The following IRF2 variants were observed in gnomAD, a reference collection of about 807,000 sequenced individuals.
The protein encoded by IRF2 is interferon regulatory factor 2.
A neutral mutation model predicts 40.6 loss-of-function variants in IRF2; 15 were observed. That is an observed-to-expected ratio of 0.37 (90% CI 0.25 to 0.57). The LOEUF (loss-of-function observed/expected upper bound fraction) is 0.57, where lower values mean the gene tolerates loss of function less well. IRF2 is among the 20% of genes least tolerant of loss of function. IRF2 has a pLI of 0.77. For synonymous variants in IRF2, 151 were observed against 165.5 expected (o/e 0.91, Z 0.67); for missense variants, 317 against 455.7 (o/e 0.70, Z 2.77).
chr4:184,466,114 G>A (rs530509538), intron 1 of IRF2, among the ~76,000 whole-genome samples: 44 of 150,344 alleles, frequency 2.9e-4, no homozygotes, highest in South Asian at 8.4e-4. Context: ...AAGCTGGTGC[G>A]ATCTCGGCTC....
intron 2 of IRF2, among the ~76,000 whole-genome samples, chr4:184,421,107 G>A (rs1737466370): frequency 6.6e-6 from 1 of 152,178 alleles, no homozygotes; most frequent in South Asian, 2.1e-4. Flanking sequence ...AGGAAGGAGA[G>A]GAAATGTCAG....
chr4:184,459,275 T>A (rs529792451), intron 1 of IRF2, among the ~76,000 whole-genome samples: 1 of 152,060 alleles, frequency 6.6e-6, no homozygotes, highest in African/African-American at 2.4e-5. Flanking sequence ...GGATTCAAAA[T>A]ACAACAGAAA....
At position 184,388,651 on chromosome 4, in the gene IRF2, T is replaced by C. The variant is rs898341542; in HGVS notation, c.*107A>G. The C allele has an allele frequency of 6.4e-5, 75 of 1,167,756 alleles. 3 individuals are homozygous for C. The highest frequency in any genetic ancestry group is 6.8e-5 in the Non-Finnish European group (56 of 818,268). 72.3% of individuals were successfully genotyped at this position (1,167,756 alleles called of 1,614,324 possible). Reference sequence around the variant, plus strand: ...TCAATGTTCTATTGTCAAGGCTTTTTCCCTTAGATTTGTCTAAAATAGGTG... The same window carrying C: ...TCAATGTTCTATTGTCAAGGCTTTTCCCCTTAGATTTGTCTAAAATAGGTG... On this transcript the variant is annotated 3_prime_UTR_variant, in exon 9 of 9. Transcript: ENST00000393593. The surrounding 1 kb of genome is among the most constrained non-coding windows in gnomAD (Gnocchi z 4.6).
intron 6 of IRF2, among the ~76,000 whole-genome samples, chr4:184,407,737 C>T (rs1265523354): frequency 6.6e-6 from 1 of 152,118 alleles, no homozygotes; most frequent in Non-Finnish European, 1.5e-5. Flanking sequence ...CAGAGTGGGC[C>T]CTTTGGCAAC....
chr4:184,421,193 G>A (rs1312339162), intron 2 of IRF2, among the ~76,000 whole-genome samples: 2 of 152,178 alleles, frequency 1.3e-5, no homozygotes, highest in Admixed American at 1.3e-4. Flanking sequence ...GAGATTCAGC[G>A]CCTCTCCACA....
At chr4:184,460,868 A>T (rs1424179739) in intron 1 of IRF2, among the ~76,000 whole-genome samples, 1 of 152,272 alleles carries the variant, frequency 6.6e-6, no homozygotes, top group African/African-American at 2.4e-5. Flanking sequence ...AATCCCTTTT[A>T]GATCGACGTG....
At chr4:184,434,773 T>C (rs1205216218) in intron 1 of IRF2, among the ~76,000 whole-genome samples, 1 of 152,256 alleles carries the variant, frequency 6.6e-6, no homozygotes, top group Non-Finnish European at 1.5e-5. Context: ...CTATCCATGA[T>C]TAGTGCTATT....
Position 184,469,164 on chromosome 4 carries a change from A to G in IRF2, c.-7+5215T>C, listed in dbSNP as rs746507675. On this transcript the variant is annotated intron_variant, in intron 1 of 8. Transcript: ENST00000393593. ...ATTGCATGGGGTCCCTGGATCCCCA[A>G]GCAGACCAAGTTATTGATGGAGGGT... is the stretch of plus-strand genomic sequence containing the variant. Among the ~76,000 whole-genome samples the G allele has an allele frequency of 6.6e-5, 10 of 152,352 alleles. No individual in the cohort carries two copies. In the South Asian group the frequency reaches 1.0e-3, roughly 16 times the overall value.
chr4:184,451,413 A>G (rs1241569864), intron 1 of IRF2, among the ~76,000 whole-genome samples: 1 of 152,226 alleles, frequency 6.6e-6, no homozygotes. Context: ...CTGGGCACCC[A>G]TGATGCACTC....
rs770458818 is a variant in IRF2, at chr4:184,414,000, A to G, written c.411+4167T>C. 2.0e-5 allele frequency among the ~76,000 whole-genome samples: 3 copies of G among 152,230 alleles called. No individual in the cohort carries two copies. The highest frequency in any genetic ancestry group is 4.4e-5 in the Non-Finnish European group (3 of 68,042). On this transcript the variant is annotated intron_variant, in intron 5 of 8. Coordinates refer to ENST00000393593, the MANE Select transcript of IRF2 (RefSeq NM_002199.4). The surrounding 1 kb of genome is among the most constrained non-coding windows in gnomAD (Gnocchi z 4.2). ...CCCCTCAAGGCCTGGCTTAGGCCCC[A>G]AAGGCTACGAGGCACCCGGTGGACA...
chr4:184,403,787 AAT>A (rs1736754586), intron 6 of IRF2, among the ~76,000 whole-genome samples: 1 of 152,226 alleles, frequency 6.6e-6, no homozygotes, highest in Non-Finnish European at 1.5e-5. Context: ...GCTCAGAACT[AAT>A]AGTGACATTT....
In IRF2 at chr4:184,448,935, G is replaced by C; in HGVS notation, c.-6-19865C>G. 6.6e-6 allele frequency: 1 copy of C among 152,250 alleles called. No homozygotes were observed. The highest frequency in any genetic ancestry group is 1.5e-5 in the Non-Finnish European group (1 of 68,074). The allele number at this position is 152,250 out of a possible 1,614,324, so 9.4% of individuals were successfully genotyped here. A position where few individuals can be genotyped will look rare whatever the true frequency, so the allele number is the denominator to read the frequency against. The stretch of plus-strand genomic sequence containing the variant: ...ACGTTTCCTCGACGTGTGCAAGACG[G>C]AAGCCTGAACAACTGTCAGTTCCAC... On this transcript the variant is annotated intron_variant, in intron 1 of 8. Transcript: ENST00000393593. This position sits in a 1 kb window ranked among gnomAD's most constrained non-coding sequence, Gnocchi z 4.3.
intron 1 of IRF2, among the ~76,000 whole-genome samples, chr4:184,449,551 C>T (rs530884514): frequency 1.6e-4 from 25 of 152,272 alleles, no homozygotes; most frequent in African/African-American, 4.8e-4. Context: ...CACAGTGATA[C>T]GCAATGACGG....
rs1376659973 is a variant in IRF2, at chr4:184,473,652, T to TCCCGCCCC, written c.-7+719_-7+726dup. On this transcript the variant is annotated intron_variant, in intron 1 of 8. Coordinates refer to ENST00000393593, the MANE Select transcript of IRF2 (RefSeq NM_002199.4). ...GCCCGGCCCGGCTCCGAGCCCGCCC[T>TCCCGCCCC]CCCGCCCCGGCCGCTGGCACCCGAC... Among the ~76,000 whole-genome samples, 16 of 129,416 alleles carry TCCCGCCCC rather than the reference T, an allele frequency of 1.2e-4. No homozygotes were observed. In the South Asian group the frequency reaches 1.6e-3, roughly 13 times the overall value. The allele number at this position is 129,416 out of a possible 152,430, so 84.9% of individuals were successfully genotyped here.
At chr4:184,440,978 C>T (rs1373165387) in intron 1 of IRF2, among the ~76,000 whole-genome samples, 2 of 152,212 alleles carry the variant, frequency 1.3e-5, no homozygotes, top group Non-Finnish European at 2.9e-5. Flanking sequence ...AAAGGCCTAG[C>T]CTGGAAACGT....
intron 6 of IRF2, among the ~76,000 whole-genome samples, chr4:184,402,028 T>G (rs755799015): frequency 6.6e-6 from 1 of 152,180 alleles, no homozygotes; most frequent in Admixed American, 6.5e-5. Context: ...CAGAGATTTA[T>G]GGAACACCTG....
At chr4:184,419,181 T>C (rs1737390438) in intron 3 of IRF2, among the ~76,000 whole-genome samples, 1 of 152,072 alleles carries the variant, frequency 6.6e-6, no homozygotes, top group African/African-American at 2.4e-5. Flanking sequence ...TTGACCAAAG[T>C]TTATAGCATC....
At position 184,431,685 on chromosome 4, in the gene IRF2, G is replaced by A. The variant is rs139012732; in HGVS notation, c.-6-2615C>T. Among the ~76,000 whole-genome samples the A allele has an allele frequency of 4.0e-3, 611 of 152,244 alleles. 7 individuals carry two copies. The highest frequency in any genetic ancestry group is 0.014 in the African/African-American group (591 of 41,524). ...TGGTCACGAGTAGAGAGCAACAGAC[G>A]CCAGTTCTCCTGACAGCCTGACGTG... On this transcript the variant is annotated intron_variant, in intron 1 of 8. Coordinates refer to ENST00000393593, the MANE Select transcript of IRF2 (RefSeq NM_002199.4).
intron 6 of IRF2, among the ~76,000 whole-genome samples, chr4:184,401,372 C>T (rs1488575428): frequency 6.6e-6 from 1 of 152,096 alleles, no homozygotes; most frequent in African/African-American, 2.4e-5. Context: ...AAAAGAGGCT[C>T]AGAAAGGGGA....
Sources: allele counts gnomAD v4.1 joint callset (sites outside exome capture counted in the v4.1 genomes callset), GRCh38; gene constraint gnomAD v4.1.1; non-coding constraint Gnocchi (gnomAD v3.1); transcripts MANE v1.5; gene names NCBI Gene and HGNC (gene_info 2026-07-23, HGNC 2026-07-21).